The following CEP112 variants were observed in gnomAD, a reference collection of about 807,000 sequenced individuals.
CEP112 encodes the protein centrosomal protein 112.
Under a neutral mutation model 153.0 loss-of-function variants are expected in CEP112, and 127 were observed. The observed-to-expected ratio is 0.83, with a 90% CI of 0.72 to 0.96. CEP112 has a LOEUF of 0.96. Ranked by LOEUF, CEP112 falls within the 40% of genes least tolerant of loss-of-function variation. The pLI is 0.00. For missense variants in CEP112, 1,089 were observed against 1,101.2 expected, an observed-to-expected ratio of 0.99 and a Z score of 0.16; for synonymous variants, 358 against 374.4, an observed-to-expected ratio of 0.96 and a Z score of 0.51.
chr17:65,697,930 T>C (rs923921183), intron 23 of CEP112, among the ~76,000 whole-genome samples: 3 of 152,220 alleles, frequency 2.0e-5, no homozygotes, highest in Non-Finnish European at 4.4e-5. Context: ...CAGAGGCCAC[T>C]AATGCATTCA....
intron 24 of CEP112, among the ~76,000 whole-genome samples, chr17:65,681,670 T>C (rs1163498391): frequency 7.1e-6 from 1 of 140,330 alleles, no homozygotes; most frequent in African/African-American, 2.9e-5. Context: ...TTTTTCCTTT[T>C]TTTAATTTTT....
rs905644801 is a variant in CEP112 at position 65,780,542 on chromosome 17, T to A, written c.2395-29818A>T. Reference sequence around the variant, plus strand: ...GTAAATGGGGTCAATTAATTTTTTTTAAAATCTCTACCTTCTGTAATATTT... The same window carrying A: ...GTAAATGGGGTCAATTAATTTTTTTAAAAATCTCTACCTTCTGTAATATTT... On this transcript the variant is annotated intron_variant, in intron 21 of 26. Transcript: ENST00000535342. Among the ~76,000 whole-genome samples the A allele has an allele frequency of 9.2e-5, 14 of 152,238 alleles. No homozygotes were observed. The East Asian group carries it at 1.2e-3, about 13-fold the overall frequency.
intron 21 of CEP112, among the ~76,000 whole-genome samples, chr17:65,769,936 T>G (rs540265901): frequency 2.6e-5 from 4 of 152,092 alleles, no homozygotes; most frequent in South Asian, 4.1e-4. Flanking sequence ...AAAATAACAT[T>G]TTAAATATCC....
chr17:65,689,244 C>G, intron 23 of CEP112, 26 bp from the exon 24 acceptor site: 1 of 1,517,770 alleles, frequency 6.6e-7, no homozygotes, highest in Non-Finnish European at 9.1e-7. Flanking sequence ...ATAAAGATAT[C>G]ATTAATAATT....
intron 18 of CEP112, among the ~76,000 whole-genome samples, chr17:65,932,688 G>C (rs1465533903): frequency 6.6e-6 from 1 of 152,136 alleles, no homozygotes; most frequent in Admixed American, 6.5e-5. Context: ...GTAGGAGCAA[G>C]AGAGAGTGAG....
At chr17:66,174,536 A>T (rs1304993934) in intron 4 of CEP112, among the ~76,000 whole-genome samples, 4 of 152,310 alleles carry the variant, frequency 2.6e-5, no homozygotes, top group East Asian at 3.9e-4. Flanking sequence ...TAAAAGTCCA[A>T]ATTTAAATCT....
chr17:65,902,159 T>G lies in CEP112; in HGVS notation c.2156A>C (p.Asp719Ala). ...ENQIQEFKKRDAQVIADMEAQ... is the reference protein window; with the variant it reads ...ENQIQEFKKRAAQVIADMEAQ... ...AATATTATTGATAATTACCTGTGCA[T>G]CTCGTTTCTTGAACTCCTGAATTTG... The change falls in exon 20 of 27, where the codon GAT becomes GCT. Residue 719 changes from aspartate (D) to alanine (A), a missense_variant. Transcript: ENST00000535342. 1 of 1,612,140 alleles carries G rather than the reference T, an allele frequency of 6.2e-7. No individual in the cohort carries two copies.
chr17:66,148,319 C>T (rs1412983996), intron 4 of CEP112, among the ~76,000 whole-genome samples: 4 of 152,042 alleles, frequency 2.6e-5, no homozygotes, highest in African/African-American at 9.7e-5. Flanking sequence ...ATTATGGGAG[C>T]TATAATTCAA....
At chr17:66,080,159 G>T (rs2067660663) in intron 8 of CEP112, among the ~76,000 whole-genome samples, 1 of 152,110 alleles carries the variant, frequency 6.6e-6, no homozygotes, top group Admixed American at 6.5e-5. Flanking sequence ...ATTGACAAAT[G>T]GGATCTAATT....
intron 12 of CEP112, among the ~76,000 whole-genome samples, chr17:66,037,042 C>T (rs555168229): frequency 7.6e-4 from 116 of 152,132 alleles, no homozygotes; most frequent in African/African-American, 2.7e-3. Flanking sequence ...CATTTCTAAG[C>T]CCCTTTATTA....
chr17:65,761,390 A>G (rs2052604214), intron 21 of CEP112, among the ~76,000 whole-genome samples: 1 of 151,990 alleles, frequency 6.6e-6, no homozygotes, highest in Non-Finnish European at 1.5e-5. Flanking sequence ...TTACAGGTAC[A>G]TGACACTGCC....
intron 18 of CEP112, among the ~76,000 whole-genome samples, chr17:65,939,534 C>G (rs531273904): frequency 1.3e-5 from 2 of 152,212 alleles, no homozygotes; most frequent in South Asian, 4.1e-4. Context: ...GGTATAGGCA[C>G]AAGAGCTGAT....
At chr17:66,156,203 T>C (rs892586819) in intron 4 of CEP112, among the ~76,000 whole-genome samples, 26 of 152,148 alleles carry the variant, frequency 1.7e-4, no homozygotes, top group African/African-American at 6.3e-4. Context: ...CAGCAATCTT[T>C]GCTGTTCTGC....
intron 24 of CEP112, among the ~76,000 whole-genome samples, chr17:65,649,081 C>A (rs62065726): frequency 0.054 from 5,207 of 97,238 alleles, 199 homozygotes; most frequent in African/African-American, 0.13. Context: ...CAAACACACA[C>A]ACACACACAC....
At chr17:66,087,261 C>T (rs2067974265) in intron 8 of CEP112, among the ~76,000 whole-genome samples, 1 of 152,132 alleles carries the variant, frequency 6.6e-6, no homozygotes, top group African/African-American at 2.4e-5. Context: ...ATGTGGGTGG[C>T]ATTGGTATGC....
intron 6 of CEP112, among the ~76,000 whole-genome samples, chr17:66,118,445 C>T (rs894443497): frequency 2.6e-5 from 4 of 151,874 alleles, no homozygotes; most frequent in African/African-American, 7.3e-5. Flanking sequence ...TGAAATAAGG[C>T]AAGCACAGAA....
intron 12 of CEP112, among the ~76,000 whole-genome samples, chr17:66,034,992 AC>A (rs2065664000): frequency 6.7e-5 from 1 of 14,944 alleles, no homozygotes; most frequent in Admixed American, 9.6e-4. Context: ...ATATATATAT[AC>A]ATATATATAT....
intron 21 of CEP112, among the ~76,000 whole-genome samples, chr17:65,772,780 C>T (rs2053448532): frequency 6.6e-6 from 1 of 151,286 alleles, no homozygotes; most frequent in Admixed American, 6.6e-5. Flanking sequence ...AAATAAAATA[C>T]TGCATAATAA....
At chr17:66,173,705 G>A (rs1173377479) in intron 4 of CEP112, among the ~76,000 whole-genome samples, 2 of 152,172 alleles carry the variant, frequency 1.3e-5, no homozygotes, top group African/African-American at 2.4e-5. Flanking sequence ...TTGCTTCAAA[G>A]GCTACAAAAA....
Sources: allele counts gnomAD v4.1 joint callset (sites outside exome capture counted in the v4.1 genomes callset), GRCh38; gene constraint gnomAD v4.1.1; transcripts MANE v1.5; gene names NCBI Gene and HGNC (gene_info 2026-07-23, HGNC 2026-07-21).